Variants in SCGB2B2 observed in about 807,000 individuals in gnomAD.
SCGB2B2 encodes the protein secretoglobin-like protein.
A neutral mutation model predicts 7.6 loss-of-function variants in SCGB2B2; 11 were observed. The observed-to-expected ratio is 1.45, with a 90% confidence interval of 0.91 to 2.40. SCGB2B2 has a LOEUF of 2.40. SCGB2B2 is among the 30% of genes most tolerant of loss of function. The pLI is 0.00. For synonymous variants in SCGB2B2, 50 were observed against 48.6 expected, an observed-to-expected ratio of 1.03 and a Z score of -0.12; for missense variants, 104 against 115.4, an observed-to-expected ratio of 0.90 and a Z score of 0.45.
intron 1 of SCGB2B2, among the ~76,000 whole-genome samples, chr19:34,604,417 C>T (rs1364964825): frequency 6.6e-6 from 1 of 152,194 alleles, no homozygotes; most frequent in African/African-American, 2.4e-5. Flanking sequence ...TTGAGCCCAA[C>T]CTACAGGAGT....
At chr19:34,664,820 AC>A (rs149301065) in intron 1 of SCGB2B2, among the ~76,000 whole-genome samples, 3,341 of 148,386 alleles carry the variant, frequency 0.023, 131 homozygotes, top group African/African-American at 0.079. Flanking sequence ...CCCACCCATC[AC>A]CCCCACTTAG....
At chr19:34,655,880 G>C (rs12984680) in intron 1 of SCGB2B2, among the ~76,000 whole-genome samples, 15,020 of 151,126 alleles carry the variant, frequency 0.099, 1,092 homozygotes, top group Middle Eastern at 0.23. Context: ...GAGGAATGCA[G>C]CCACTGCCAA....
chr19:34,621,342 A>C (rs2066235446), intron 1 of SCGB2B2, among the ~76,000 whole-genome samples: 1 of 152,200 alleles, frequency 6.6e-6, no homozygotes, highest in Admixed American at 6.5e-5. Context: ...ATAAACAGGC[A>C]TACCTGAAAG....
chr19:34,647,404 C>T (rs1472320209), intron 1 of SCGB2B2, among the ~76,000 whole-genome samples: 1 of 152,198 alleles, frequency 6.6e-6, no homozygotes, highest in Non-Finnish European at 1.5e-5. Flanking sequence ...CAATGGCCAC[C>T]TGTGCCCATC....
chr19:34,620,553 T>C (rs1420891358), intron 1 of SCGB2B2, among the ~76,000 whole-genome samples: 2 of 149,870 alleles, frequency 1.3e-5, no homozygotes, highest in Admixed American at 1.3e-4. Flanking sequence ...CATTAGGAGA[T>C]ATACCTAATG....
chr19:34,619,155 G>C (rs1018765535), intron 1 of SCGB2B2, among the ~76,000 whole-genome samples: 13 of 151,812 alleles, frequency 8.6e-5, no homozygotes, highest in African/African-American at 3.1e-4. Flanking sequence ...CTTATATTTA[G>C]GACAATTAAT....
At chr19:34,653,247 T>C (rs571541125) in intron 1 of SCGB2B2, among the ~76,000 whole-genome samples, 1 of 151,112 alleles carries the variant, frequency 6.6e-6, no homozygotes, top group South Asian at 2.1e-4. Context: ...GATGGATGGA[T>C]ACAAAAGTGC....
Position 34,591,132 on chromosome 19 carries a change from G to A in SCGB2B2, c.*2423C>T, listed in dbSNP as rs771532549. On this transcript the variant is annotated 3_prime_UTR_variant, in exon 4 of 4. Transcript: ENST00000601241. ...TATTCCATGAGCTCCAAACTAGAGC[G>A]TCTCACACCCCCTGTGTCCCGTCCT... 5.9e-5 allele frequency among the ~76,000 whole-genome samples: 9 copies of A among 152,080 alleles called. No individual in the cohort carries two copies. Among genetic ancestry groups the A allele is most frequent in the South Asian group, 4.1e-4 (2 of 4,822 alleles).
At chr19:34,631,321 AT>A (rs11447671) in intron 1 of SCGB2B2, among the ~76,000 whole-genome samples, 51 of 146,410 alleles carry the variant, frequency 3.5e-4, no homozygotes, top group Admixed American at 6.8e-4. Context: ...TTTTTTTACA[AT>A]TTTTTTTTTT....
chr19:34,674,681 A>G (rs1052331831), intron 1 of SCGB2B2, among the ~76,000 whole-genome samples: 1 of 152,250 alleles, frequency 6.6e-6, no homozygotes, highest in African/African-American at 2.4e-5. Flanking sequence ...TGGGGTTCTC[A>G]AAGCAGAGAA....
chr19:34,628,253 CA>C (rs1288072839), intron 1 of SCGB2B2, among the ~76,000 whole-genome samples: 1 of 151,814 alleles, frequency 6.6e-6, no homozygotes, highest in East Asian at 1.9e-4. Flanking sequence ...TAGCAGAAGG[CA>C]AGGAATAAAT....
At chr19:34,628,683 G>A (rs1488748928) in intron 1 of SCGB2B2, among the ~76,000 whole-genome samples, 1 of 151,884 alleles carries the variant, frequency 6.6e-6, no homozygotes, top group Admixed American at 6.6e-5. Context: ...ATTTCTACCA[G>A]AGGTACAAAG....
intron 1 of SCGB2B2, among the ~76,000 whole-genome samples, chr19:34,609,149 C>A (rs1252259123): frequency 6.6e-6 from 1 of 151,800 alleles, no homozygotes; most frequent in Non-Finnish European, 1.5e-5. Context: ...GCTAATATGC[C>A]CATTTATACA....
At chr19:34,617,625 C>G (rs1017805409) in intron 1 of SCGB2B2, among the ~76,000 whole-genome samples, 1 of 152,176 alleles carries the variant, frequency 6.6e-6, no homozygotes, top group Admixed American at 6.5e-5. Context: ...ATCATGTCAT[C>G]TGCAAACAGG....
At chr19:34,617,760 T>C (rs1042610614) in intron 1 of SCGB2B2, among the ~76,000 whole-genome samples, 3 of 152,214 alleles carry the variant, frequency 2.0e-5, no homozygotes, top group Non-Finnish European at 4.4e-5. Context: ...CCCTGTCTTG[T>C]GCCAGTTTTC....
chr19:34,608,101 A>T (rs952561302), intron 1 of SCGB2B2, among the ~76,000 whole-genome samples: 4 of 152,096 alleles, frequency 2.6e-5, no homozygotes, highest in African/African-American at 7.2e-5. Flanking sequence ...GAAAGTATGA[A>T]GTCATTTTAT....
chr19:34,672,263 C>A (rs1433949532), intron 1 of SCGB2B2, among the ~76,000 whole-genome samples: 2 of 150,508 alleles, frequency 1.3e-5, no homozygotes, highest in Admixed American at 6.6e-5. Context: ...GAGTTATATC[C>A]CTTTTATTGA....
At chr19:34,630,591 G>A (rs531047632) in intron 1 of SCGB2B2, among the ~76,000 whole-genome samples, 20 of 151,946 alleles carry the variant, frequency 1.3e-4, no homozygotes, top group South Asian at 2.1e-4. Context: ...TTAGAATGGC[G>A]ATCATTAAAA....
At chr19:34,663,034 G>A (rs893211923) in intron 1 of SCGB2B2, among the ~76,000 whole-genome samples, 4 of 152,120 alleles carry the variant, frequency 2.6e-5, no homozygotes, top group East Asian at 1.9e-4. Flanking sequence ...ATATGAAGAG[G>A]CCTCAACCTC....
Sources: gnomAD v4.1 joint callset for allele counts (sites outside exome capture counted in the v4.1 genomes callset) on GRCh38, gnomAD v4.1.1 for gene constraint, MANE v1.5 for transcripts, NCBI Gene and HGNC (gene_info 2026-07-23, HGNC 2026-07-21) for gene names.